RP2: variants seen among roughly 807,000 people sequenced by gnomAD.
RP2 encodes the protein RP2 activator of ARL3 GTPase.
A neutral mutation model predicts 20.3 loss-of-function variants in RP2; 3 were observed. The observed-to-expected ratio is 0.15, with a 90% CI of 0.07 to 0.38. RP2 has a LOEUF of 0.38. Ranked by LOEUF, RP2 falls within the 10% of genes least tolerant of loss-of-function variation. RP2 has a pLI of 1.00. For missense variants in RP2, 233 were observed against 268.5 expected (o/e 0.87, Z 0.92); for synonymous variants, 75 against 94.8 (o/e 0.79, Z 1.22).
intron 3 of RP2, among the ~76,000 whole-genome samples, chrX:46,862,809 GTTAT>G (rs1569531932): frequency 8.9e-6 from 1 of 112,451 alleles, no homozygotes; most frequent in Non-Finnish European, 1.9e-5. Flanking sequence ...AGCCTAACGT[GTTAT>G]TTGTGATGTG....
intron 2 of RP2, among the ~76,000 whole-genome samples, chrX:46,856,804 G>A (rs782249929): frequency 3.6e-5 from 4 of 111,642 alleles, no homozygotes; most frequent in Non-Finnish European, 5.6e-5. Flanking sequence ...TATTCTGAAA[G>A]TACAGAATTA....
At chrX:46,844,362 TG>T (rs1347221434) in intron 1 of RP2, among the ~76,000 whole-genome samples, 1 of 90,921 alleles carries the variant, frequency 1.1e-5, no homozygotes, top group Non-Finnish European at 2.1e-5. Context: ...CGGTGTGTGA[TG>T]TTCCCCTTCC....
chrX:46,853,326 C>T (rs1924892522), intron 1 of RP2, 150 bp from the exon 2 acceptor site: 2 of 473,666 alleles, frequency 4.2e-6, no homozygotes. Context: ...AACAATTTGT[C>T]CTGTTCATTT....
intron 1 of RP2, among the ~76,000 whole-genome samples, chrX:46,844,133 T>G (rs1352100748): frequency 1.8e-5 from 2 of 112,187 alleles, no homozygotes; most frequent in African/African-American, 6.5e-5. Context: ...AAAAATATAT[T>G]TTTGACCCTG....
intron 3 of RP2, among the ~76,000 whole-genome samples, chrX:46,874,825 G>T (rs988188473): frequency 4.5e-4 from 46 of 101,440 alleles, no homozygotes; most frequent in South Asian, 8.4e-4. Context: ...ACTGTATTTG[G>T]TTTTTTTTTT....
rs782654194 is a variant in RP2, at chrX:46,854,047, G to A, written c.674G>A (p.Arg225Gln). ...AATAGAAGCATTGTTCCAATATCCC[G>A]GGGTCAGAGACAGAAGAGCAGCGAT... ...EANRSIVPIS[R>Q]GQRQKSSDES... Residue 225 changes from arginine (R) to glutamine (Q), a missense_variant, in exon 2 of 5, where the codon CGG (arginine) becomes CAG (glutamine). By Grantham distance (43) the Arg-to-Gln change is conservative. Transcript: ENST00000218340. 8.3e-7 allele frequency: 1 copy of A among 1,211,567 alleles called. No individual in the cohort carries two copies. The highest frequency in any genetic ancestry group is 1.1e-6 in the Non-Finnish European group (1 of 895,300).
chrX:46,846,840 C>T (rs1280444775), intron 1 of RP2, among the ~76,000 whole-genome samples: 1 of 110,850 alleles, frequency 9.0e-6, no homozygotes, highest in Non-Finnish European at 1.9e-5. Context: ...CTTCCCACTT[C>T]AGCCTCCCAA....
chrX:46,844,780 T>C (rs1157372247), intron 1 of RP2, among the ~76,000 whole-genome samples: 2 of 111,797 alleles, frequency 1.8e-5, no homozygotes, highest in African/African-American at 3.3e-5. Flanking sequence ...GTTGAACTAG[T>C]TTACAGTCTC....
rs1281744553 is a variant in RP2 at position 46,880,308 on chromosome X, A to G, written c.*539A>G. 1 of 112,679 alleles carries G rather than the reference A, an allele frequency of 8.9e-6. No individual in the cohort carries two copies. Among genetic ancestry groups the G allele is most frequent in the Non-Finnish European group, 1.9e-5 (1 of 53,268 alleles). The allele number at this position is 112,679 out of a possible 1,213,427, so 9.3% of individuals were successfully genotyped here. A position where few individuals can be genotyped will look rare whatever the true frequency, so the allele number is the denominator to read the frequency against. On this transcript the variant is annotated 3_prime_UTR_variant, in exon 5 of 5. Transcript: ENST00000218340. ...ATGAGATTTTGTACATGGAGTTGAC[A>G]TAATACTTTGTAAATTGAATTTTTT...
intron 3 of RP2, among the ~76,000 whole-genome samples, chrX:46,877,161 T>C (rs1925384502): frequency 8.9e-6 from 1 of 112,266 alleles, no homozygotes; most frequent in Admixed American, 9.5e-5. Context: ...TTGATCTTAT[T>C]TGCTATTTTA....
intron 2 of RP2, among the ~76,000 whole-genome samples, chrX:46,854,397 T>C (rs1203762387): frequency 4.5e-5 from 5 of 112,076 alleles, no homozygotes; most frequent in Non-Finnish European, 7.5e-5. Context: ...AGTAGATTGC[T>C]TGGGCCTCAA....
chrX:46,867,383 G>A (rs1470096523), intron 3 of RP2, among the ~76,000 whole-genome samples: 1 of 113,024 alleles, frequency 8.8e-6, no homozygotes, highest in African/African-American at 3.2e-5. Context: ...TTACAGGCGT[G>A]AGCCACCGCT....
intron 1 of RP2, among the ~76,000 whole-genome samples, chrX:46,846,189 C>A (rs1232411666): frequency 8.9e-6 from 1 of 112,039 alleles, no homozygotes; most frequent in Non-Finnish European, 1.9e-5. Context: ...AATAAAGCTA[C>A]CATAAATATT....
intron 1 of RP2, among the ~76,000 whole-genome samples, chrX:46,842,924 T>A (rs1420381983): frequency 1.8e-5 from 2 of 111,661 alleles, no homozygotes; most frequent in Non-Finnish European, 3.8e-5. Flanking sequence ...TATACAAGTT[T>A]TTGTCTGGAC....
chrX:46,871,020 CCTTT>C (rs1925281221), intron 3 of RP2, among the ~76,000 whole-genome samples: 1 of 96,067 alleles, frequency 1.0e-5, no homozygotes, highest in Non-Finnish European at 2.0e-5. Flanking sequence ...CACGCTCATT[CCTTT>C]TTTTTTTTTT....
chrX:46,847,730 G>GTA (rs782429449), intron 1 of RP2, among the ~76,000 whole-genome samples: 142 of 89,788 alleles, frequency 1.6e-3, no homozygotes, highest in African/African-American at 5.5e-3. Context: ...ATGTGTGTGT[G>GTA]TATATACACA....
At chrX:46,847,766 A>ACG (rs1924762373) in intron 1 of RP2, among the ~76,000 whole-genome samples, 1 of 60,309 alleles carries the variant, frequency 1.7e-5, no homozygotes, top group African/African-American at 8.4e-5. Flanking sequence ...ATATACACAC[A>ACG]TGTGTGTGTG....
At chrX:46,843,876 A>G (rs183548307) in intron 1 of RP2, among the ~76,000 whole-genome samples, 2 of 110,715 alleles carry the variant, frequency 1.8e-5, no homozygotes, top group Admixed American at 1.9e-4. Context: ...GTTTTGCCAT[A>G]TTGGCCAGGC....
At chrX:46,877,114 G>C (rs1210069363) in intron 3 of RP2, among the ~76,000 whole-genome samples, 1 of 111,964 alleles carries the variant, frequency 8.9e-6, no homozygotes, top group Non-Finnish European at 1.9e-5. Context: ...AAGGCTGGCT[G>C]CCTGGCAAAA....
Sources: gnomAD v4.1 joint callset for allele counts (sites outside exome capture counted in the v4.1 genomes callset) on GRCh38, gnomAD v4.1.1 for gene constraint, MANE v1.5 for transcripts, NCBI Gene and HGNC (gene_info 2026-07-23, HGNC 2026-07-21) for gene names.